CTNNA2: variants seen among roughly 807,000 people sequenced by gnomAD.
The protein encoded by CTNNA2 is catenin alpha 2.
In CTNNA2, 42 loss-of-function variants were observed where a neutral mutation model predicts 101.0. That is an observed-to-expected ratio of 0.42 (90% confidence interval 0.32 to 0.54). The LOEUF (loss-of-function observed/expected upper bound fraction) is 0.54. Ranked by LOEUF, CTNNA2 falls within the 20% of genes least tolerant of loss-of-function variation. The pLI is 0.14. For synonymous variants in CTNNA2, 450 were observed against 456.4 expected (o/e 0.99, Z 0.18); for missense variants, 871 against 1,223.1 (o/e 0.71, Z 4.29).
At chr2:79,263,277 C>T (rs1191906264) in intron 2 of CTNNA2, among the ~76,000 whole-genome samples, 1 of 152,098 alleles carries the variant, frequency 6.6e-6, no homozygotes, top group Non-Finnish European at 1.5e-5. Flanking sequence ...GGAGCAGATC[C>T]CTCATGAATG....
At chr2:79,527,765 A>G (rs1672503408) in intron 1 of CTNNA2, among the ~76,000 whole-genome samples, 1 of 152,198 alleles carries the variant, frequency 6.6e-6, no homozygotes, top group Non-Finnish European at 1.5e-5. Context: ...TAGTTTCTCA[A>G]AAAGTTAAAT....
chr2:80,272,161 A>G (rs1673542314), intron 7 of CTNNA2, among the ~76,000 whole-genome samples: 1 of 152,240 alleles, frequency 6.6e-6, no homozygotes, highest in Non-Finnish European at 1.5e-5. Flanking sequence ...TTATAAATGT[A>G]TTATTCATAT....
intron 7 of CTNNA2, among the ~76,000 whole-genome samples, chr2:80,267,961 C>T (rs544303142): frequency 1.3e-5 from 2 of 152,316 alleles, no homozygotes; most frequent in Non-Finnish European, 2.9e-5. Flanking sequence ...GCCCTAGAGG[C>T]GTCTTAAGAA....
intron 7 of CTNNA2, among the ~76,000 whole-genome samples, chr2:79,994,126 C>T (rs909021856): frequency 2.0e-5 from 3 of 152,084 alleles, no homozygotes; most frequent in African/African-American, 4.8e-5. Context: ...CTATGTTGCT[C>T]AGGCTGGTCT....
At chr2:80,291,158 G>A (rs957648136) in intron 7 of CTNNA2, among the ~76,000 whole-genome samples, 8 of 152,188 alleles carry the variant, frequency 5.3e-5, no homozygotes, top group South Asian at 4.1e-4. Context: ...GTTTTTCCTC[G>A]TGGGATTTAG....
chr2:80,302,986 G>A lies in CTNNA2; in HGVS notation c.1057-90225G>A, dbSNP rs1445484169. The A allele has an allele frequency of 1.9e-6, 3 of 1,613,638 alleles. No individual in the cohort carries two copies. Among genetic ancestry groups the A allele is most frequent in the Non-Finnish European group, 2.5e-6 (3 of 1,179,980 alleles). On this transcript the variant is annotated intron_variant, in intron 7 of 18. Coordinates refer to ENST00000402739, the MANE Select transcript of CTNNA2 (RefSeq NM_001282597.3). The surrounding 1 kb of genome is among the most constrained non-coding windows in gnomAD (Gnocchi z 6.4). ...GCTGCAGGGACTGCAGGTGCGGCAC[G>A]GTCTCGAACACATGGGGCTCCATGT...
chr2:79,580,891 A>T (rs1676107927), intron 1 of CTNNA2, among the ~76,000 whole-genome samples: 1 of 152,208 alleles, frequency 6.6e-6, no homozygotes, highest in Non-Finnish European at 1.5e-5. Flanking sequence ...CCTCAATTCA[A>T]GTCAAAATTC....
chr2:80,389,329 A>T lies in CTNNA2; in HGVS notation c.1057-3882A>T, dbSNP rs555136338. ...TGCTTATGACAAAACTCAGACTTTT[A>T]AAAAAAAATGGGGTAAATGGTTAGT... is the stretch of plus-strand genomic sequence containing the variant. On this transcript the variant is annotated intron_variant, in intron 7 of 18. Coordinates refer to ENST00000402739, the MANE Select transcript of CTNNA2 (RefSeq NM_001282597.3). Among the ~76,000 whole-genome samples the T allele has an allele frequency of 8.4e-5, 9 of 107,028 alleles. 1 individual carries two copies. The highest frequency in any genetic ancestry group is 2.5e-4 in the East Asian group (1 of 3,978). The allele number at this position is 107,028 out of a possible 152,430, so 70.2% of individuals were successfully genotyped here. A position where few individuals can be genotyped will look rare whatever the true frequency, so the allele number is the denominator to read the frequency against.
At chr2:79,483,345 G>A (rs1031116467) in intron 4 of CTNNA2, among the ~76,000 whole-genome samples, 19 of 152,316 alleles carry the variant, frequency 1.2e-4, no homozygotes, top group African/African-American at 4.3e-4. Context: ...TTAAAACTAT[G>A]CAGACTTACT....
chr2:80,314,080 G>T (rs1181782912), intron 7 of CTNNA2, among the ~76,000 whole-genome samples: 52 of 152,202 alleles, frequency 3.4e-4, no homozygotes, highest in Non-Finnish European at 2.9e-5. Flanking sequence ...CATTAGAGCT[G>T]CACATATAGA....
chr2:80,032,166 G>A (rs367614415), intron 7 of CTNNA2, among the ~76,000 whole-genome samples: 20 of 152,274 alleles, frequency 1.3e-4, no homozygotes, highest in South Asian at 1.2e-3. Context: ...GAGGAAGAGC[G>A]GAGGACATGA....
At chr2:80,555,177 G>A (rs1440328852) in intron 11 of CTNNA2, among the ~76,000 whole-genome samples, 1 of 151,954 alleles carries the variant, frequency 6.6e-6, no homozygotes, top group Non-Finnish European at 1.5e-5. Flanking sequence ...TTCCTCAAAT[G>A]TTTTCGTAAT....
chr2:79,780,969 A>T lies in CTNNA2; in HGVS notation c.298+36387A>T, dbSNP rs909611595. Among the ~76,000 whole-genome samples the T allele has an allele frequency of 2.6e-5, 4 of 152,226 alleles. No individual in the cohort carries two copies. The East Asian group carries it at 7.7e-4, about 29-fold the overall frequency. On this transcript the variant is annotated intron_variant, in intron 3 of 18. Coordinates refer to ENST00000402739, the MANE Select transcript of CTNNA2 (RefSeq NM_001282597.3). The stretch of plus-strand genomic sequence containing the variant: ...CTAGTATTACAGAAAAAGGGTTCCA[A>T]TCCAGACCCCAAGAGAGGGTTCTTG...
intron 7 of CTNNA2, chr2:80,298,470 G>A (rs1284695629): frequency 6.6e-6 from 1 of 152,106 alleles, no homozygotes; most frequent in African/African-American, 2.4e-5. Context: ...CTGTTCTACT[G>A]GGCCATGTCA....
intron 7 of CTNNA2, among the ~76,000 whole-genome samples, chr2:80,174,965 T>C (rs1175830221): frequency 1.3e-5 from 2 of 152,100 alleles, no homozygotes; most frequent in Non-Finnish European, 2.9e-5. Flanking sequence ...CCTTCACTTC[T>C]CTCCCACTGC....
At chr2:79,617,026 A>G (rs571977801) in intron 1 of CTNNA2, among the ~76,000 whole-genome samples, 96 of 151,870 alleles carry the variant, frequency 6.3e-4, no homozygotes, top group African/African-American at 2.3e-3. Flanking sequence ...CTCAGCCACC[A>G]AAGTAACTGG....
chr2:79,778,811 G>A (rs796457841), intron 3 of CTNNA2, among the ~76,000 whole-genome samples: 1 of 152,094 alleles, frequency 6.6e-6, no homozygotes, highest in South Asian at 2.1e-4. Context: ...TTTATATAAA[G>A]TAACAGAAAC....
intron 1 of CTNNA2, among the ~76,000 whole-genome samples, chr2:79,551,722 A>G (rs1005388496): frequency 5.9e-5 from 9 of 152,196 alleles, no homozygotes; most frequent in African/African-American, 2.2e-4. Context: ...GGCTTCAAAA[A>G]GCTTACAATC....
chr2:80,303,950 C>G lies in CTNNA2; in HGVS notation c.1057-89261C>G. The G allele has an allele frequency of 8.9e-7, 1 of 1,129,642 alleles. No homozygotes were observed. 70.0% of individuals were successfully genotyped at this position (1,129,642 alleles called of 1,614,324 possible). A position where few individuals can be genotyped will look rare whatever the true frequency, so the allele number is the denominator to read the frequency against. ...AAAAGGGCAAAAAATCAAATAAATA[C>G]ATAGAAATAAAGAAGGACCCCCCTC... On this transcript the variant is annotated intron_variant, in intron 7 of 18. Transcript: ENST00000402739. This position sits in a 1 kb window ranked among gnomAD's most constrained non-coding sequence, Gnocchi z 7.7.
Sources: allele counts gnomAD v4.1 joint callset (sites outside exome capture counted in the v4.1 genomes callset), GRCh38; gene constraint gnomAD v4.1.1; non-coding constraint Gnocchi (gnomAD v3.1); transcripts MANE v1.5; gene names NCBI Gene and HGNC (gene_info 2026-07-23, HGNC 2026-07-21).